The following SHISA9 variants were observed in gnomAD, a reference collection of about 807,000 sequenced individuals.
The protein encoded by SHISA9 is shisa family member 9.
Under a neutral mutation model 38.0 loss-of-function variants are expected in SHISA9, and 13 were observed. That is an observed-to-expected ratio of 0.34 (90% CI 0.22 to 0.54). The LOEUF (loss-of-function observed/expected upper bound fraction) is 0.54. Among genes scored for constraint, SHISA9 ranks in the 20% least tolerant of loss-of-function variants. The pLI is 0.91. For missense variants in SHISA9, 538 were observed against 575.8 expected (o/e 0.93, Z 0.67); for synonymous variants, 275 against 242.0 (o/e 1.14, Z -1.27).
chr16:13,470,832 G>A, the SHISA9 span, among the ~76,000 whole-genome samples: 1 of 151,986 alleles, frequency 6.6e-6, no homozygotes, highest in Non-Finnish European at 1.5e-5. Context: ...TTGTCTCAGA[G>A]TCTCATTTCA....
intron 2 of SHISA9, among the ~76,000 whole-genome samples, chr16:13,020,017 T>TTCCTTCCTTCCC (rs2072832516): frequency 7.8e-6 from 1 of 127,472 alleles, no homozygotes; most frequent in African/African-American, 3.0e-5. Context: ...CCTTCCCTCC[T>TTCCTTCCTTCCC]TCCTTCCTTC....
the SHISA9 span, among the ~76,000 whole-genome samples, chr16:13,374,292 A>G: frequency 6.6e-6 from 1 of 151,398 alleles, no homozygotes; most frequent in African/African-American, 2.4e-5. Flanking sequence ...CATTAGGTAT[A>G]TTTCCTAATG....
the SHISA9 span, among the ~76,000 whole-genome samples, chr16:13,294,575 G>T: frequency 6.6e-6 from 1 of 152,180 alleles, no homozygotes; most frequent in African/African-American, 2.4e-5. Flanking sequence ...CACATCAGGG[G>T]AAAGAAATAA....
the SHISA9 span, among the ~76,000 whole-genome samples, chr16:13,400,052 A>C: frequency 6.6e-6 from 1 of 152,160 alleles, no homozygotes; most frequent in Admixed American, 6.5e-5. Flanking sequence ...TACAAGTAAA[A>C]GCTTTAACTG....
chr16:13,228,532 T>A (rs1451221288), intron 4 of SHISA9, among the ~76,000 whole-genome samples: 1 of 152,146 alleles, frequency 6.6e-6, no homozygotes, highest in African/African-American at 2.4e-5. Flanking sequence ...ACTGGTCTGA[T>A]GTCTGGAAAG....
intron 2 of SHISA9, among the ~76,000 whole-genome samples, chr16:13,177,563 AG>A (rs1274329181): frequency 6.6e-6 from 1 of 152,108 alleles, no homozygotes; most frequent in Non-Finnish European, 1.5e-5. Context: ...CGCAATTGAA[AG>A]CATATATCTA....
chr16:13,493,012 G>C, the SHISA9 span, among the ~76,000 whole-genome samples: 1 of 152,202 alleles, frequency 6.6e-6, no homozygotes, highest in African/African-American at 2.4e-5. Flanking sequence ...CCTGCTGCAA[G>C]AGGATAGATC....
chr16:13,191,600 T>C (rs529952657), intron 2 of SHISA9, among the ~76,000 whole-genome samples: 2 of 152,300 alleles, frequency 1.3e-5, no homozygotes, highest in South Asian at 4.2e-4. Context: ...TTATATAGGC[T>C]TTATAAGACA....
At chr16:13,349,849 G>A in the SHISA9 span, among the ~76,000 whole-genome samples, 2 of 152,300 alleles carry the variant, frequency 1.3e-5, no homozygotes, top group South Asian at 2.1e-4. Context: ...CTGGAAGGGA[G>A]GAACTAGGTT....
At chr16:13,198,636 A>G (rs2050973838) in intron 2 of SHISA9, among the ~76,000 whole-genome samples, 1 of 152,214 alleles carries the variant, frequency 6.6e-6, no homozygotes, top group Admixed American at 6.5e-5. Flanking sequence ...TCACAAAGCA[A>G]CTGGGTTGCC....
chr16:13,111,368 C>CA (rs2073976629), intron 2 of SHISA9, among the ~76,000 whole-genome samples: 1 of 145,794 alleles, frequency 6.9e-6, no homozygotes, highest in South Asian at 2.1e-4. Flanking sequence ...AACCCAAAAA[C>CA]AAAAAAACAG....
intron 4 of SHISA9, among the ~76,000 whole-genome samples, chr16:13,226,301 TG>T (rs2051278864): frequency 6.6e-6 from 1 of 152,218 alleles, no homozygotes; most frequent in Non-Finnish European, 1.5e-5. Context: ...GAAATAATCT[TG>T]AAAATATCTC....
chr16:12,912,876 C>T (rs540917899), intron 1 of SHISA9, among the ~76,000 whole-genome samples: 18 of 152,218 alleles, frequency 1.2e-4, no homozygotes, highest in African/African-American at 3.1e-4. Flanking sequence ...GCTTGTTCTC[C>T]GAATATCTCA....
chr16:12,913,611 A>G (rs1231862526), intron 1 of SHISA9, among the ~76,000 whole-genome samples: 2 of 152,146 alleles, frequency 1.3e-5, no homozygotes, highest in Admixed American at 6.6e-5. Context: ...ATCTAATTCT[A>G]ATAAGGTTTT....
intron 2 of SHISA9, among the ~76,000 whole-genome samples, chr16:13,165,708 A>G (rs1027457127): frequency 6.6e-6 from 1 of 152,204 alleles, no homozygotes; most frequent in Non-Finnish European, 1.5e-5. Context: ...CTTTCCCACA[A>G]CAGTCAGCAG....
intron 2 of SHISA9, among the ~76,000 whole-genome samples, chr16:13,192,235 T>C (rs911070869): frequency 1.3e-5 from 2 of 151,946 alleles, no homozygotes; most frequent in Non-Finnish European, 2.9e-5. Flanking sequence ...GGGAGGTGGA[T>C]GGGAAAGGAG....
the SHISA9 span, among the ~76,000 whole-genome samples, chr16:13,534,288 G>A: frequency 5.4e-5 from 8 of 148,450 alleles, no homozygotes; most frequent in South Asian, 1.3e-3. Flanking sequence ...GCAGTGGTGC[G>A]ATCTCAGCTC....
chr16:13,327,914 C>T, the SHISA9 span, among the ~76,000 whole-genome samples: 439 of 152,240 alleles, frequency 2.9e-3, 1 homozygote, highest in Middle Eastern at 0.01. Flanking sequence ...CCACTTCGGC[C>T]TCCCAAAGTG....
At chr16:13,246,176 C>G in the SHISA9 span, 2 of 152,188 alleles carry the variant, frequency 1.3e-5, no homozygotes, top group African/African-American at 4.8e-5. Context: ...GTAATTCCCA[C>G]GTGTTGTGGG....
Sources: allele counts gnomAD v4.1 joint callset (sites outside exome capture counted in the v4.1 genomes callset), GRCh38; gene constraint gnomAD v4.1.1; transcripts MANE v1.5; gene names NCBI Gene and HGNC (gene_info 2026-07-23, HGNC 2026-07-21).